The following SLC29A4 variants were observed in gnomAD, a reference collection of about 807,000 sequenced individuals.
The protein encoded by SLC29A4 is solute carrier family 29 member 4.
SLC29A4 carries 36 observed loss-of-function variants against 43.9 expected under a neutral mutation model. The observed-to-expected ratio is 0.82, with a 90% CI of 0.63 to 1.08. SLC29A4 has a LOEUF of 1.08. SLC29A4 is among the 50% of genes least tolerant of loss of function. SLC29A4 has a pLI of 0.00. For missense variants in SLC29A4, 869 were observed against 755.3 expected, an observed-to-expected ratio of 1.15 and a Z score of -1.77; for synonymous variants, 491 against 338.0, an observed-to-expected ratio of 1.45 and a Z score of -4.97.
chr7:5,305,862 T>G lies in SLC29A4; in HGVS notation c.*2923T>G, dbSNP rs1786460536. On this transcript the variant is annotated 3_prime_UTR_variant, in exon 11 of 11. Transcript: ENST00000396872. The stretch of plus-strand genomic sequence containing the variant: ...ATGAGCCACCATGCCTGGCACTGGT[T>G]TTTTGAGATGGAATCTCGTTATGTC... The G allele has an allele frequency of 6.9e-6, 1 of 143,956 alleles. No homozygotes were observed. The highest frequency in any genetic ancestry group is 7.0e-5 in the Admixed American group (1 of 14,314). The allele number at this position is 143,956 out of a possible 1,614,324, so 8.9% of individuals were successfully genotyped here. A position where few individuals can be genotyped will look rare whatever the true frequency, so the allele number is the denominator to read the frequency against.
At chr7:5,296,251 G>A (rs956923044) in intron 6 of SLC29A4, among the ~76,000 whole-genome samples, 2 of 151,898 alleles carry the variant, frequency 1.3e-5, no homozygotes, top group Admixed American at 6.6e-5. Context: ...TCTGCCCCCT[G>A]CCTGAATCAC....
intron 5 of SLC29A4, among the ~76,000 whole-genome samples, chr7:5,292,383 G>A (rs1164198113): frequency 6.6e-6 from 1 of 152,122 alleles, no homozygotes; most frequent in East Asian, 1.9e-4. Flanking sequence ...CAAAGTGCTG[G>A]TATTACAGGC....
intron 6 of SLC29A4, among the ~76,000 whole-genome samples, chr7:5,295,464 C>G (rs1785589397): frequency 6.6e-6 from 1 of 152,226 alleles, no homozygotes. Context: ...CACCCCTTTG[C>G]TCACGCCTGA....
At position 5,296,211 on chromosome 7, in the gene SLC29A4, C is replaced by G. The variant is rs149718499; in HGVS notation, c.620-725C>G. On this transcript the variant is annotated intron_variant, in intron 6 of 10. Coordinates refer to ENST00000396872, the MANE Select transcript of SLC29A4 (RefSeq NM_153247.4). ...GGACAGGGGCCCTCTAACTGCCCCC[C>G]ACCTCTGCGCGCCCTCTGTTCCATT... 3.8e-3 allele frequency among the ~76,000 whole-genome samples: 585 copies of G among 152,212 alleles called. 7 individuals carry two copies. Among genetic ancestry groups the G allele is most frequent in the African/African-American group, 0.013 (556 of 41,558 alleles).
At chr7:5,285,348 A>G (rs572830024) in intron 1 of SLC29A4, among the ~76,000 whole-genome samples, 2 of 152,008 alleles carry the variant, frequency 1.3e-5, no homozygotes, top group East Asian at 3.9e-4. Flanking sequence ...TGAGCCTAGA[A>G]GGGGAGACAC....
At position 5,306,742 on chromosome 7, in the gene SLC29A4, C is replaced by T. The variant is rs1429546793; in HGVS notation, c.*3803C>T. The stretch of plus-strand genomic sequence containing the variant: ...GGTGCCCTGATATGGCAGAATGCCC[C>T]CAGACACCACCCCTACTCCAGCCCC... On this transcript the variant is annotated 3_prime_UTR_variant, in exon 11 of 11. Coordinates refer to ENST00000396872, the MANE Select transcript of SLC29A4 (RefSeq NM_153247.4). 1.3e-5 allele frequency: 2 copies of T among 152,096 alleles called. No individual in the cohort carries two copies. The highest frequency in any genetic ancestry group is 2.9e-5 in the Non-Finnish European group (2 of 67,990). 9.4% of individuals were successfully genotyped at this position (152,096 alleles called of 1,614,324 possible).
In SLC29A4 at chr7:5,297,156, C is replaced by T. The variant is rs1274247872; in HGVS notation, c.840C>T (p.Gly280=). The T allele has an allele frequency of 1.3e-6, 2 of 1,599,994 alleles. No individual in the cohort carries two copies. Among genetic ancestry groups the T allele is most frequent in the Non-Finnish European group, 1.7e-6 (2 of 1,177,352 alleles). The change falls in exon 7 of 11, where the codon GGC becomes GGT. Residue 280 remains glycine (G), a synonymous_variant. Transcript: ENST00000396872. ...GGCCAGGCCTGGGCAGGGGCTATGG[C>T]TACCGCGTGCACCACGACGTTGTCG... ...RGRPGLGRGY[G]YRVHHDVVAG... is the part of the protein sequence containing the mutation.
At position 5,306,455 on chromosome 7, in the gene SLC29A4, A is replaced by G. The variant is rs1393517518; in HGVS notation, c.*3516A>G. 6.6e-6 allele frequency: 1 copy of G among 151,786 alleles called. No homozygotes were observed. The highest frequency in any genetic ancestry group is 1.5e-5 in the Non-Finnish European group (1 of 67,970). 9.4% of individuals were successfully genotyped at this position (151,786 alleles called of 1,614,324 possible). ...AGTGATCCTCCCGCCTCGGCCTCCT[A>G]AAGTGCTGGGATTACAGGCACGCTC... On this transcript the variant is annotated 3_prime_UTR_variant, in exon 11 of 11. Transcript: ENST00000396872.
chr7:5,287,417 GAAAAAAAA>G (rs199755250), intron 1 of SLC29A4, among the ~76,000 whole-genome samples: 1 of 121,492 alleles, frequency 8.2e-6, no homozygotes, highest in African/African-American at 3.0e-5. Context: ...GACCCTGTCT[GAAAAAAAA>G]AAAAAAAGAA....
intron 2 of SLC29A4, among the ~76,000 whole-genome samples, chr7:5,289,797 C>A (rs1258004543): frequency 6.6e-6 from 1 of 152,168 alleles, no homozygotes; most frequent in African/African-American, 2.4e-5. Flanking sequence ...GAGCATGATA[C>A]AAGAACCCGG....
At chr7:5,292,651 C>T (rs1266640738) in intron 5 of SLC29A4, among the ~76,000 whole-genome samples, 2 of 137,792 alleles carry the variant, frequency 1.5e-5, no homozygotes, top group Non-Finnish European at 1.5e-5. Flanking sequence ...ATTACTAATA[C>T]TTCAGAGTGT....
intron 6 of SLC29A4, 30 bp downstream of exon 6, chr7:5,294,964 G>C: frequency 6.3e-7 from 1 of 1,584,112 alleles, no homozygotes; most frequent in Non-Finnish European, 8.6e-7. Flanking sequence ...CCGGGGAGGG[G>C]GTGCTGGGCT....
chr7:5,284,166 C>T (rs1784826154), intron 1 of SLC29A4, among the ~76,000 whole-genome samples: 1 of 152,120 alleles, frequency 6.6e-6, no homozygotes, highest in Admixed American at 6.5e-5. Flanking sequence ...GAGGGATCAC[C>T]TGAGGCCAGG....
chr7:5,301,287 C>G (rs1403688998), intron 10 of SLC29A4, among the ~76,000 whole-genome samples: 1 of 149,988 alleles, frequency 6.7e-6, no homozygotes, highest in East Asian at 2.0e-4. Context: ...AATCCCAGAT[C>G]GGCGTGACTG....
intron 10 of SLC29A4, 128 bp from the exon 11 acceptor site, chr7:5,302,669 C>T (rs188513362): frequency 1.0e-5 from 9 of 895,148 alleles, no homozygotes; most frequent in East Asian, 2.7e-5. Flanking sequence ...CCAGGAGGAG[C>T]GATGGGGCAG....
At chr7:5,294,484 G>T (rs1785515247) in intron 5 of SLC29A4, among the ~76,000 whole-genome samples, 1 of 152,104 alleles carries the variant, frequency 6.6e-6, no homozygotes. Context: ...GAGGGTGAAG[G>T]GTGTTATGCT....
In SLC29A4 at chr7:5,299,138, G is replaced by A; in HGVS notation, c.1021+12G>A. On this transcript the variant is annotated intron_variant, in intron 8 of 10. Coordinates refer to ENST00000396872, the MANE Select transcript of SLC29A4 (RefSeq NM_153247.4). ...GCCCACCTTCAGAGGTGAGTGCGGGGAGTCCTCTGCTGCCCTGGCTCTGGC... is the reference window on the plus strand; with the variant it reads ...GCCCACCTTCAGAGGTGAGTGCGGGAAGTCCTCTGCTGCCCTGGCTCTGGC... The A allele has an allele frequency of 6.2e-7, 1 of 1,606,694 alleles. No individual in the cohort carries two copies. The highest frequency in any genetic ancestry group is 1.1e-5 in the South Asian group (1 of 90,776).
chr7:5,295,110 AG>A (rs1280394304), intron 6 of SLC29A4, among the ~76,000 whole-genome samples, 176 bp downstream of exon 6: 2 of 152,002 alleles, frequency 1.3e-5, no homozygotes, highest in Admixed American at 1.3e-4. Context: ...GGGGTAGAAA[AG>A]GGGTGCACTC....
At chr7:5,295,938 C>A (rs1785622519) in intron 6 of SLC29A4, among the ~76,000 whole-genome samples, 1 of 101,042 alleles carries the variant, frequency 9.9e-6, no homozygotes, top group East Asian at 8.7e-4. Context: ...ACGGGGTGGC[C>A]CACCATGGCC....
Sources: allele counts gnomAD v4.1 joint callset (sites outside exome capture counted in the v4.1 genomes callset), GRCh38; gene constraint gnomAD v4.1.1; transcripts MANE v1.5; gene names NCBI Gene and HGNC (gene_info 2026-07-23, HGNC 2026-07-21).